KCNQ1OT1: variants seen among roughly 807,000 people sequenced by gnomAD.
The protein encoded by KCNQ1OT1 is KCNQ1 opposite strand/antisense transcript 1.
At position 2,651,599 on chromosome 11, in the gene KCNQ1OT1, G is replaced by T; in HGVS notation, n.48396C>A. The T allele has an allele frequency of 5.0e-6, 2 of 398,676 alleles. No individual in the cohort carries two copies. The highest frequency in any genetic ancestry group is 8.8e-6 in the Non-Finnish European group (2 of 226,114). The allele number at this position is 398,676 out of a possible 1,614,324, so 24.7% of individuals were successfully genotyped here. A position where few individuals can be genotyped will look rare whatever the true frequency, so the allele number is the denominator to read the frequency against. On this transcript the variant is annotated non_coding_transcript_exon_variant, in exon 1 of 1. Transcript: ENST00000597346. This position sits in a 1 kb window ranked among gnomAD's most constrained non-coding sequence, Gnocchi z 6.1. ...GTCTCCAGTGCCTGCCACATAGCAGGTCCTCCAAGATTTGCTGATCTGCCT... is the reference window on the plus strand; with the variant it reads ...GTCTCCAGTGCCTGCCACATAGCAGTTCCTCCAAGATTTGCTGATCTGCCT...
Position 2,668,683 on chromosome 11 carries a change from G to T in KCNQ1OT1, n.31312C>A. On this transcript the variant is annotated non_coding_transcript_exon_variant, in exon 1 of 1. Transcript: ENST00000597346. The surrounding 1 kb of genome is among the most constrained non-coding windows in gnomAD (Gnocchi z 4.3). ...ATTCTGGAGTCATTTGTCAGAGAGA[G>T]AGATACACACACTCACACTCTCTCA... 2.5e-6 allele frequency: 1 copy of T among 398,506 alleles called. No individual in the cohort carries two copies. The highest frequency in any genetic ancestry group is 4.4e-6 in the Non-Finnish European group (1 of 226,036). 24.7% of individuals were successfully genotyped at this position (398,506 alleles called of 1,614,324 possible).
chr11:2,689,071 G>A, exon 1 of KCNQ1OT1: 1 of 398,840 alleles, frequency 2.5e-6, no homozygotes, highest in Non-Finnish European at 4.4e-6. Flanking sequence ...CCTCCCCGGT[G>A]GCACATCCGG....
At chr11:2,655,898 C>T (rs1195354117) in exon 1 of KCNQ1OT1, 3 of 398,594 alleles carry the variant, frequency 7.5e-6, no homozygotes, top group Non-Finnish European at 1.3e-5. Context: ...GTTATAGGGG[C>T]CCCATATGCC....
rs1167505141 is a variant in KCNQ1OT1 at position 2,610,716 on chromosome 11, C to CTTT, written n.89276_89278dup. ...TTCTGGACACAGTATTCTTGGTTGGCTTTTTTTTTTTTTTTTTTTTTTTTT... is the reference window on the plus strand; with the variant it reads ...TTCTGGACACAGTATTCTTGGTTGGCTTTTTTTTTTTTTTTTTTTTTTTTTTTT... On this transcript the variant is annotated non_coding_transcript_exon_variant, in exon 1 of 1. Transcript: ENST00000597346. The CTTT allele has an allele frequency of 7.6e-4, 175 of 229,966 alleles. 1 individual carries two copies. Among genetic ancestry groups the CTTT allele is most frequent in the South Asian group, 1.7e-3 (5 of 3,028 alleles). The allele number at this position is 229,966 out of a possible 1,614,324, so 14.2% of individuals were successfully genotyped here.
At chr11:2,615,102 T>C (rs891390649) in exon 1 of KCNQ1OT1, 1 of 398,326 alleles carries the variant, frequency 2.5e-6, no homozygotes, top group Non-Finnish European at 4.4e-6. Context: ...AGTGCAGAAG[T>C]CTTTCACCTT....
Position 2,624,967 on chromosome 11 carries a change from T to A in KCNQ1OT1, n.75028A>T, listed in dbSNP as rs925545100. On this transcript the variant is annotated non_coding_transcript_exon_variant, in exon 1 of 1. Coordinates refer to ENST00000597346, the Ensembl canonical transcript of KCNQ1OT1. The surrounding 1 kb of genome is among the most constrained non-coding windows in gnomAD (Gnocchi z 4.9). ...TATTACATTGTATGTATATACCACA[T>A]TTTGCTTATCCATTCTTCCATGGAC... The A allele has an allele frequency of 5.3e-5, 21 of 398,490 alleles. No homozygotes were observed. Among genetic ancestry groups the A allele is most frequent in the Non-Finnish European group, 8.0e-5 (18 of 226,072 alleles). 24.7% of individuals were successfully genotyped at this position (398,490 alleles called of 1,614,324 possible).
rs1285777048 is a variant in KCNQ1OT1 at position 2,687,176 on chromosome 11, CA to C, written n.12818del. 2 of 398,528 alleles carry C rather than the reference CA, an allele frequency of 5.0e-6. No homozygotes were observed. Among genetic ancestry groups the C allele is most frequent in the Non-Finnish European group, 8.8e-6 (2 of 226,084 alleles). 24.7% of individuals were successfully genotyped at this position (398,528 alleles called of 1,614,324 possible). A position where few individuals can be genotyped will look rare whatever the true frequency, so the allele number is the denominator to read the frequency against. ...TCCTCCACAAAGCACAGAAGTCTGC[CA>C]AAAGCCCAGGCTGGATAGGGAGCAT... On this transcript the variant is annotated non_coding_transcript_exon_variant, in exon 1 of 1. Coordinates refer to ENST00000597346, the Ensembl canonical transcript of KCNQ1OT1. This position sits in a 1 kb window ranked among gnomAD's most constrained non-coding sequence, Gnocchi z 5.0.
In KCNQ1OT1 at chr11:2,614,687, T is replaced by G. The variant is rs1353252435; in HGVS notation, n.85308A>C. 7.5e-6 allele frequency: 3 copies of G among 398,404 alleles called. No individual in the cohort carries two copies. The Admixed American group carries it at 1.3e-4, about 18-fold the overall frequency. 24.7% of individuals were successfully genotyped at this position (398,404 alleles called of 1,614,324 possible). A position where few individuals can be genotyped will look rare whatever the true frequency, so the allele number is the denominator to read the frequency against. Reference sequence around the variant, plus strand: ...TTGTTGAAAATGAATTGATCATATATGTGAGTGTTTATTTCTACATTCTCT... The same window carrying G: ...TTGTTGAAAATGAATTGATCATATAGGTGAGTGTTTATTTCTACATTCTCT... On this transcript the variant is annotated non_coding_transcript_exon_variant, in exon 1 of 1. Coordinates refer to ENST00000597346, the Ensembl canonical transcript of KCNQ1OT1.
exon 1 of KCNQ1OT1, chr11:2,614,713 A>G (rs942405141): frequency 1.0e-5 from 4 of 398,326 alleles, no homozygotes; most frequent in African/African-American, 8.2e-5. Context: ...TACATTCTCT[A>G]TTATATTCCA....
chr11:2,697,869 T>A (rs2133900075), exon 1 of KCNQ1OT1: 2 of 398,672 alleles, frequency 5.0e-6, no homozygotes, highest in South Asian at 2.5e-4. Context: ...TGATTCGCAA[T>A]TTTAAAAAAT....
rs968375257 is a variant in KCNQ1OT1, at chr11:2,612,838, A to T, written n.87157T>A. 3 of 398,436 alleles carry T rather than the reference A, an allele frequency of 7.5e-6. No homozygotes were observed. The highest frequency in any genetic ancestry group is 6.2e-5 in the African/African-American group (3 of 48,610). The allele number at this position is 398,436 out of a possible 1,614,324, so 24.7% of individuals were successfully genotyped here. ...TTGTTAAAAACTTACTTTAGATAAT[A>T]TATCGTAGAAACTCTGGATTCTAGT... On this transcript the variant is annotated non_coding_transcript_exon_variant, in exon 1 of 1. Coordinates refer to ENST00000597346, the Ensembl canonical transcript of KCNQ1OT1. This position sits in a 1 kb window ranked among gnomAD's most constrained non-coding sequence, Gnocchi z 5.5.
chr11:2,643,882 C>A (rs984883517), exon 1 of KCNQ1OT1: 14 of 398,410 alleles, frequency 3.5e-5, no homozygotes, highest in Non-Finnish European at 4.9e-5. Context: ...TCCTGGCTGG[C>A]AGGTTTTTGG....
exon 1 of KCNQ1OT1, chr11:2,696,044 T>A: frequency 2.5e-6 from 1 of 398,646 alleles, no homozygotes; most frequent in Non-Finnish European, 4.4e-6. Flanking sequence ...GTTTCCTTAG[T>A]ATTATTATGA....
chr11:2,614,125 C>T (rs7483403), exon 1 of KCNQ1OT1: 2 of 398,466 alleles, frequency 5.0e-6, no homozygotes, highest in Non-Finnish European at 8.8e-6. Context: ...TTTGGCTTTC[C>T]TACCATGTCT....
At chr11:2,614,812 A>G (rs189670180) in exon 1 of KCNQ1OT1, 87 of 398,498 alleles carry the variant, frequency 2.2e-4, no homozygotes, top group Non-Finnish European at 3.5e-4. Flanking sequence ...AAAAGTTTTG[A>G]AAATGGCAGG....
exon 1 of KCNQ1OT1, chr11:2,629,463 G>A (rs1849316771): frequency 2.5e-6 from 1 of 398,380 alleles, no homozygotes; most frequent in Admixed American, 4.4e-5. Flanking sequence ...ATAGTTTTAG[G>A]TCTTACATTT....
chr11:2,633,796 AC>A (rs1849404165), exon 1 of KCNQ1OT1: 1 of 398,348 alleles, frequency 2.5e-6, no homozygotes, highest in Non-Finnish European at 4.4e-6. Context: ...TGCTTCCGAG[AC>A]CCCCTGTATA....
chr11:2,680,944 A>G (rs1850386126), exon 1 of KCNQ1OT1: 1 of 398,448 alleles, frequency 2.5e-6, no homozygotes, highest in Non-Finnish European at 4.4e-6. Context: ...AAGCTGATGG[A>G]CACTATTTAC....
chr11:2,695,645 G>A lies in KCNQ1OT1; in HGVS notation n.4350C>T, dbSNP rs1470654686. The A allele has an allele frequency of 2.5e-6, 1 of 398,448 alleles. No homozygotes were observed. The highest frequency in any genetic ancestry group is 2.1e-5 in the African/African-American group (1 of 48,590). 24.7% of individuals were successfully genotyped at this position (398,448 alleles called of 1,614,324 possible). A position where few individuals can be genotyped will look rare whatever the true frequency, so the allele number is the denominator to read the frequency against. On this transcript the variant is annotated non_coding_transcript_exon_variant, in exon 1 of 1. Transcript: ENST00000597346. This position sits in a 1 kb window ranked among gnomAD's most constrained non-coding sequence, Gnocchi z 5.2. ...TAGGAGGGAAACTGCTGGGCCACAG[G>A]TATAAAATATTTTATTTGAGGAAGA...
Sources: allele counts gnomAD v4.1 joint callset, GRCh38; gene constraint gnomAD v4.1.1; non-coding constraint Gnocchi (gnomAD v3.1); transcripts MANE v1.5; gene names NCBI Gene and HGNC (gene_info 2026-07-23, HGNC 2026-07-21).